TET1: variants seen among roughly 807,000 people sequenced by gnomAD.
The protein encoded by TET1 is tet methylcytosine dioxygenase 1.
Under a neutral mutation model 148.7 loss-of-function variants are expected in TET1, and 13 were observed. The observed-to-expected ratio is 0.09, with a 90% CI of 0.06 to 0.14. The LOEUF is 0.14. TET1 is among the 10% of genes least tolerant of loss of function. The probability of loss-of-function intolerance (pLI) is 1.00; values close to 1 mark genes in which losing one functional copy is unlikely to be tolerated. For missense variants in TET1, 2,182 were observed against 2,553.8 expected, an observed-to-expected ratio of 0.85 and a Z score of 3.14; for synonymous variants, 907 against 937.2, an observed-to-expected ratio of 0.97 and a Z score of 0.59.
chr10:68,617,788 C>T (rs2054315390), intron 3 of TET1, among the ~76,000 whole-genome samples: 1 of 152,022 alleles, frequency 6.6e-6, no homozygotes, highest in African/African-American at 2.4e-5. Context: ...TCAGGTGATC[C>T]ACCCGCCTCG....
Position 68,688,068 on chromosome 10 carries a change from G to A in TET1, c.5404+1361G>A, listed in dbSNP as rs535822849. ...CTCTCTAGCAGCTAGAACTATAGGC[G>A]TGCACCACACCTGGCTCTTACCAGC... On this transcript the variant is annotated intron_variant, in intron 11 of 11. Transcript: ENST00000373644. Among the ~76,000 whole-genome samples, 36 of 152,090 alleles carry A rather than the reference G, an allele frequency of 2.4e-4. No homozygotes were observed. The South Asian group carries it at 4.6e-3, about 19-fold the overall frequency.
intron 10 of TET1, among the ~76,000 whole-genome samples, chr10:68,685,770 T>G (rs1290618514): frequency 6.6e-6 from 1 of 152,026 alleles, no homozygotes; most frequent in African/African-American, 2.4e-5. Flanking sequence ...AAAGGCAAAT[T>G]TATTGATATT....
intron 2 of TET1, among the ~76,000 whole-genome samples, chr10:68,582,243 G>T (rs996084425): frequency 6.6e-6 from 1 of 152,040 alleles, no homozygotes; most frequent in Non-Finnish European, 1.5e-5. Context: ...GGGATTACAG[G>T]CATGCACCAC....
chr10:68,624,820 C>T (rs1462555362), intron 3 of TET1, among the ~76,000 whole-genome samples: 1 of 148,572 alleles, frequency 6.7e-6, no homozygotes, highest in Non-Finnish European at 1.5e-5. Flanking sequence ...CAAGCTCCGC[C>T]TTCCGGGTTC....
At chr10:68,609,407 C>T (rs1165577614) in intron 3 of TET1, among the ~76,000 whole-genome samples, 1 of 151,930 alleles carries the variant, frequency 6.6e-6, no homozygotes, top group Non-Finnish European at 1.5e-5. Flanking sequence ...GTGATCCACC[C>T]TCCTCGGCCT....
At chr10:68,599,112 G>A (rs1008995225) in intron 2 of TET1, among the ~76,000 whole-genome samples, 1 of 152,244 alleles carries the variant, frequency 6.6e-6, no homozygotes, top group Non-Finnish European at 1.5e-5. Context: ...GCATGCTTTT[G>A]TGGCAAACTG....
At chr10:68,605,538 G>A (rs1417305603) in intron 3 of TET1, among the ~76,000 whole-genome samples, 1 of 152,168 alleles carries the variant, frequency 6.6e-6, no homozygotes, top group Non-Finnish European at 1.5e-5. Flanking sequence ...ATTTGAGACA[G>A]AGTCTCACTC....
Position 68,672,917 on chromosome 10 carries a change from A to G in TET1, c.4696A>G (p.Ile1566Val), listed in dbSNP as rs1222366634. 6.2e-7 allele frequency: 1 copy of G among 1,610,784 alleles called. No individual in the cohort carries two copies. Among genetic ancestry groups the G allele is most frequent in the Admixed American group, 1.7e-5 (1 of 59,994 alleles). Residue 1566 changes from isoleucine (I) to valine (V), a missense_variant, in exon 8 of 12, where the codon ATT (isoleucine) becomes GTT (valine). Around this residue, in one of 11 missense-constraint regions of TET1, gnomAD observed 55 missense variants for 149.8 expected, o/e 0.37. Transcript: ENST00000373644. ...CAGTCGTACCTGTACATGTCAAGGA[A>G]TTGATCCAGAGACTTGTGGAGCTTC... Reference protein sequence around the residue: ...NENRTCTCQGIDPETCGASFS... With the variant: ...NENRTCTCQGVDPETCGASFS...
rs1277959611 is a variant in TET1 at position 68,573,602 on chromosome 10, A to C, written c.1264A>C (p.Ser422Arg). Residue 422 changes from serine (S) to arginine (R), a missense_variant, in exon 2 of 12, where the codon AGT (serine) becomes CGT (arginine). Physicochemically the swap from Ser to Arg is moderately radical, Grantham distance 110. Coordinates refer to ENST00000373644, the MANE Select transcript of TET1 (RefSeq NM_030625.3). ...AGACCAACAAGAAACTCTTGGTATG[A>C]GTGGGAGTGTTGTCCCAGACTTGCC... is the stretch of plus-strand genomic sequence containing the variant. Reference protein sequence around the residue: ...ILDQQETLGMSGSVVPDLPVF... With the variant: ...ILDQQETLGMRGSVVPDLPVF... 10 of 1,614,172 alleles carry C rather than the reference A, an allele frequency of 6.2e-6. No individual in the cohort carries two copies. The highest frequency in any genetic ancestry group is 8.5e-6 in the Non-Finnish European group (10 of 1,180,030).
chr10:68,626,254 T>G (rs1173224861), intron 3 of TET1, among the ~76,000 whole-genome samples: 3 of 151,986 alleles, frequency 2.0e-5, no homozygotes, highest in African/African-American at 4.8e-5. Flanking sequence ...CGTTTTTTTA[T>G]TTTTTGTTTT....
intron 3 of TET1, among the ~76,000 whole-genome samples, chr10:68,641,618 C>T (rs1408690212): frequency 6.6e-6 from 1 of 152,114 alleles, no homozygotes; most frequent in Non-Finnish European, 1.5e-5. Context: ...CCTACCTCAG[C>T]TTCTCGAGTA....
chr10:68,616,910 T>C (rs1232428544), intron 3 of TET1, among the ~76,000 whole-genome samples: 1 of 150,094 alleles, frequency 6.7e-6, no homozygotes, highest in Non-Finnish European at 1.5e-5. Context: ...GGTTTCACTG[T>C]GTTAGCCAGG....
chr10:68,583,960 G>A (rs901733346), intron 2 of TET1, among the ~76,000 whole-genome samples: 1 of 151,940 alleles, frequency 6.6e-6, no homozygotes, highest in African/African-American at 2.4e-5. Context: ...CTGGATTAGG[G>A]GGTGCTAACA....
At chr10:68,581,061 T>C (rs1000540051) in intron 2 of TET1, among the ~76,000 whole-genome samples, 1 of 152,182 alleles carries the variant, frequency 6.6e-6, no homozygotes, top group Admixed American at 6.5e-5. Context: ...CCTAAAGCCA[T>C]GTACCATTTC....
intron 3 of TET1, among the ~76,000 whole-genome samples, chr10:68,631,833 T>G (rs1301752058): frequency 6.6e-6 from 1 of 152,068 alleles, no homozygotes; most frequent in Admixed American, 6.6e-5. Flanking sequence ...TTTGAGGAAC[T>G]GACTAGAGAC....
At chr10:68,618,023 G>A (rs2054320081) in intron 3 of TET1, among the ~76,000 whole-genome samples, 1 of 151,718 alleles carries the variant, frequency 6.6e-6, no homozygotes, top group Admixed American at 6.6e-5. Flanking sequence ...CTGGGCTCAA[G>A]TGATCCTCCT....
chr10:68,649,250 C>T (rs2054895327), intron 4 of TET1, among the ~76,000 whole-genome samples: 1 of 152,206 alleles, frequency 6.6e-6, no homozygotes, highest in South Asian at 2.1e-4. Flanking sequence ...ACAGCAGTCT[C>T]AACTCCAGAA....
At chr10:68,682,802 C>T in intron 9 of TET1, 34 bp from the exon 10 acceptor site, 1 of 1,601,938 alleles carries the variant, frequency 6.2e-7, no homozygotes, top group Non-Finnish European at 8.5e-7. Flanking sequence ...TTCCTTCTCT[C>T]TCTTAAGATT....
chr10:68,637,547 A>G (rs1169416143), intron 3 of TET1, among the ~76,000 whole-genome samples: 1 of 130,364 alleles, frequency 7.7e-6, no homozygotes, highest in Non-Finnish European at 1.6e-5. Flanking sequence ...TTTAAGAGAC[A>G]GAGCCTCATT....
Sources: allele counts gnomAD v4.1 joint callset (sites outside exome capture counted in the v4.1 genomes callset), GRCh38; gene constraint gnomAD v4.1.1; regional missense constraint gnomAD v4.1.1; transcripts MANE v1.5; gene names NCBI Gene and HGNC (gene_info 2026-07-23, HGNC 2026-07-21).